Variants in SCGB1D1 observed in about 807,000 individuals in gnomAD.
SCGB1D1 encodes secretoglobin family 1D member 1.
Under a neutral mutation model 8.3 loss-of-function variants are expected in SCGB1D1, and 10 were observed. The ratio of observed to expected loss-of-function variants is 1.21; its 90% CI spans 0.74 to 2.05. The LOEUF (loss-of-function observed/expected upper bound fraction) is 2.05, where lower values mean the gene tolerates loss of function less well. SCGB1D1 is among the 30% of genes most tolerant of loss of function. The probability of loss-of-function intolerance (pLI) is 0.00; values close to 1 mark genes in which losing one functional copy is unlikely to be tolerated. For synonymous variants in SCGB1D1, 46 were observed against 41.7 expected (o/e 1.10, Z -0.39); for missense variants, 94 against 105.1 (o/e 0.89, Z 0.46).
chr11:62,193,382 T>C lies in SCGB1D1; in HGVS notation c.244-17T>C. The C allele has an allele frequency of 3.1e-6, 5 of 1,612,430 alleles. No individual in the cohort carries two copies. The highest frequency in any genetic ancestry group is 4.2e-6 in the Non-Finnish European group (5 of 1,179,250). On this transcript the variant is annotated splice_polypyrimidine_tract_variant and intron_variant, in intron 2 of 2. Transcript: ENST00000306238. ...CATGACCGACCTCACCTTCCTTTCTTTCCTTTTCTATTTCAGGGAAAAATA... is the reference window on the plus strand; with the variant it reads ...CATGACCGACCTCACCTTCCTTTCTCTCCTTTTCTATTTCAGGGAAAAATA...
chr11:62,192,140 C>A lies in SCGB1D1; in HGVS notation c.140C>A (p.Ala47Asp). ...AAACCTGTGTTCAAGTTCCAACTTG[C>A]CAAATTTAAGGCACCTCTGGAAGCT... ...AGKPVFKFQLAKFKAPLEAVA... is the reference protein window; with the variant it reads ...AGKPVFKFQLDKFKAPLEAVA... Residue 47 changes from alanine to aspartate, a missense_variant, in exon 2 of 3, where the codon GCC becomes GAC. Coordinates refer to ENST00000306238, the MANE Select transcript of SCGB1D1 (RefSeq NM_006552.2). 1.9e-6 allele frequency: 3 copies of A among 1,613,732 alleles called. No homozygotes were observed. The highest frequency in any genetic ancestry group is 1.7e-6 in the Non-Finnish European group (2 of 1,179,700).
In SCGB1D1 at chr11:62,192,043, TC is replaced by T. The variant is rs1196325798; in HGVS notation, c.56-12del. 6.3e-7 allele frequency: 1 copy of T among 1,581,142 alleles called. No homozygotes were observed. Among genetic ancestry groups the T allele is most frequent in the East Asian group, 2.3e-5 (1 of 44,302 alleles). On this transcript the variant is annotated splice_polypyrimidine_tract_variant and intron_variant, in intron 1 of 2. Coordinates refer to ENST00000306238, the MANE Select transcript of SCGB1D1 (RefSeq NM_006552.2). ...TTCCTTACACAAATTATATTTTTAT[TC>T]TTTTGCTCCAGCAAATGCAGTGGTC... is the stretch of plus-strand genomic sequence containing the variant.
At position 62,190,268 on chromosome 11, in the gene SCGB1D1, CA is replaced by C. The variant is rs1462290625; in HGVS notation, c.-16del. Reference sequence around the variant, plus strand: ...TCATCATTGGTTAAAGCCGAGCTCACAGCAGAATAAGCCACCATGAGGCTGT... The same window carrying C: ...TCATCATTGGTTAAAGCCGAGCTCACGCAGAATAAGCCACCATGAGGCTGT... On this transcript the variant is annotated 5_prime_UTR_variant, in exon 1 of 3. Transcript: ENST00000306238. 2 of 1,614,066 alleles carry C rather than the reference CA, an allele frequency of 1.2e-6. No homozygotes were observed. The highest frequency in any genetic ancestry group is 1.7e-6 in the Non-Finnish European group (2 of 1,180,014).
At chr11:62,191,192 C>T (rs1321873832) in intron 1 of SCGB1D1, among the ~76,000 whole-genome samples, 1 of 152,112 alleles carries the variant, frequency 6.6e-6, no homozygotes, top group Non-Finnish European at 1.5e-5. Context: ...TGTGACACCC[C>T]GATCCTACCC....
intron 1 of SCGB1D1, 108 bp downstream of exon 1, chr11:62,190,447 C>T (rs1944670065): frequency 2.2e-6 from 3 of 1,357,342 alleles, no homozygotes; most frequent in Non-Finnish European, 2.1e-6. Flanking sequence ...AACCAAAATT[C>T]CAAACCTTAT....
At chr11:62,192,355 A>G (rs1227038267) in intron 2 of SCGB1D1, 112 bp downstream of exon 2, 1 of 915,260 alleles carries the variant, frequency 1.1e-6, no homozygotes. Context: ...CACCTGCCTT[A>G]CTGGTCACCG....
At chr11:62,191,690 C>A (rs1235946441) in intron 1 of SCGB1D1, among the ~76,000 whole-genome samples, 1 of 152,170 alleles carries the variant, frequency 6.6e-6, no homozygotes. Flanking sequence ...TACTCAAAGC[C>A]TCCTCTTCAC....
At chr11:62,192,807 C>A (rs943099590) in intron 2 of SCGB1D1, among the ~76,000 whole-genome samples, 2 of 152,226 alleles carry the variant, frequency 1.3e-5, no homozygotes, top group Admixed American at 1.3e-4. Context: ...TGACCACGGC[C>A]AGTGGGCCAA....
In SCGB1D1 at chr11:62,192,194, G is replaced by C; in HGVS notation, c.194G>C (p.Cys65Ser). 6.2e-7 allele frequency: 1 copy of C among 1,613,712 alleles called. No homozygotes were observed. The highest frequency in any genetic ancestry group is 8.5e-7 in the Non-Finnish European group (1 of 1,179,694). ...GCAGCCAAGATGGAAGTGAAGAAAT[G>C]CGTGGATACGATGGCCTATGAGAAA... ...AVAAKMEVKK[C>S]VDTMAYEKRV... The change falls in exon 2 of 3, where the codon TGC becomes TCC. Residue 65 changes from cysteine to serine, a missense_variant. Coordinates refer to ENST00000306238, the MANE Select transcript of SCGB1D1 (RefSeq NM_006552.2).
In SCGB1D1 at chr11:62,192,145, T is replaced by A. The variant is rs554715769; in HGVS notation, c.145T>A (p.Phe49Ile). The change falls in exon 2 of 3, where the codon TTT becomes ATT. Residue 49 changes from phenylalanine (F) to isoleucine (I), a missense_variant. Physicochemically the swap from Phe to Ile is conservative, Grantham distance 21. Transcript: ENST00000306238. ...KPVFKFQLAKFKAPLEAVAAK... is the reference protein window; with the variant it reads ...KPVFKFQLAKIKAPLEAVAAK... ...TGTGTTCAAGTTCCAACTTGCCAAA[T>A]TTAAGGCACCTCTGGAAGCTGTTGC... The A allele has an allele frequency of 2.7e-5, 44 of 1,613,960 alleles. No homozygotes were observed. The South Asian group carries it at 4.3e-4, about 16-fold the overall frequency.
intron 1 of SCGB1D1, among the ~76,000 whole-genome samples, chr11:62,191,470 T>A (rs1478869841): frequency 6.6e-6 from 1 of 152,254 alleles, no homozygotes; most frequent in Non-Finnish European, 1.5e-5. Flanking sequence ...CTAATGTGTG[T>A]TAAAACTGAT....
intron 1 of SCGB1D1, among the ~76,000 whole-genome samples, chr11:62,190,775 A>T (rs1186524073): frequency 6.6e-6 from 1 of 152,164 alleles, no homozygotes; most frequent in Non-Finnish European, 1.5e-5. Flanking sequence ...CTAGCTGTGG[A>T]TGTGAAGCCA....
rs528882794 is a variant in SCGB1D1 at position 62,190,223 on chromosome 11, C to T, written c.-62C>T. 30 of 1,607,668 alleles carry T rather than the reference C, an allele frequency of 1.9e-5. No individual in the cohort carries two copies. The African/African-American group carries it at 2.0e-4, about 11-fold the overall frequency. Reference sequence around the variant, plus strand: ...TGGGCTCCACGGCTCCACAGGCTCCCGGGGCTGAGTCTAAATCACTCATCA... The same window carrying T: ...TGGGCTCCACGGCTCCACAGGCTCCTGGGGCTGAGTCTAAATCACTCATCA... On this transcript the variant is annotated 5_prime_UTR_variant, in exon 1 of 3. Coordinates refer to ENST00000306238, the MANE Select transcript of SCGB1D1 (RefSeq NM_006552.2).
intron 2 of SCGB1D1, 59 bp from the exon 3 acceptor site, chr11:62,193,340 G>A (rs1394045895): frequency 6.6e-7 from 1 of 1,510,818 alleles, no homozygotes; most frequent in Non-Finnish European, 9.1e-7. Context: ...ATGTTAACCT[G>A]TTGTCTCCAG....
chr11:62,192,281 C>A lies in SCGB1D1; in HGVS notation c.243+38C>A, dbSNP rs750333010. 11 of 1,556,824 alleles carry A rather than the reference C, an allele frequency of 7.1e-6. No homozygotes were observed. In the Admixed American group the frequency reaches 1.5e-4, roughly 22 times the overall value. ...TCTTTCATGTGTCCAGGCTTCTGGT[C>A]AGCGGCACAGTGTGAAGTGAGGTCA... On this transcript the variant is annotated intron_variant, in intron 2 of 2. Coordinates refer to ENST00000306238, the MANE Select transcript of SCGB1D1 (RefSeq NM_006552.2).
intron 2 of SCGB1D1, among the ~76,000 whole-genome samples, chr11:62,193,152 C>T (rs1332573853): frequency 6.6e-6 from 1 of 152,176 alleles, no homozygotes; most frequent in African/African-American, 2.4e-5. Context: ...TAACCTCTTG[C>T]TGCTCTGCTC....
Position 62,193,503 on chromosome 11 carries a change from T to G in SCGB1D1, c.*75T>G. 1 of 1,265,518 alleles carries G rather than the reference T, an allele frequency of 7.9e-7. No homozygotes were observed. Among genetic ancestry groups the G allele is most frequent in the South Asian group, 1.3e-5 (1 of 79,264 alleles). 78.4% of individuals were successfully genotyped at this position (1,265,518 alleles called of 1,614,324 possible). A position where few individuals can be genotyped will look rare whatever the true frequency, so the allele number is the denominator to read the frequency against. On this transcript the variant is annotated 3_prime_UTR_variant, in exon 3 of 3. Coordinates refer to ENST00000306238, the MANE Select transcript of SCGB1D1 (RefSeq NM_006552.2). ...TGATCTTCACTGCAGAATGTAAAGGTTTCAACGTCTTGCTCTAATAAATCA... is the reference window on the plus strand; with the variant it reads ...TGATCTTCACTGCAGAATGTAAAGGGTTCAACGTCTTGCTCTAATAAATCA...
chr11:62,191,441 C>T (rs1432959504), intron 1 of SCGB1D1, among the ~76,000 whole-genome samples: 1 of 152,198 alleles, frequency 6.6e-6, no homozygotes, highest in African/African-American at 2.4e-5. Flanking sequence ...GGGCCAAGTA[C>T]AATTTCCTGT....
At chr11:62,190,410 T>C (rs186487870) in intron 1 of SCGB1D1, 71 bp downstream of exon 1, 3 of 1,592,978 alleles carry the variant, frequency 1.9e-6, no homozygotes, top group Admixed American at 3.3e-5. Context: ...AGGTCACCTA[T>C]TAAGGTTAAG....
Sources: gnomAD v4.1 joint callset for allele counts (sites outside exome capture counted in the v4.1 genomes callset) on GRCh38, gnomAD v4.1.1 for gene constraint, MANE v1.5 for transcripts, NCBI Gene and HGNC (gene_info 2026-07-23, HGNC 2026-07-21) for gene names.